MTF2: variants seen among roughly 807,000 people sequenced by gnomAD.
MTF2 encodes the protein metal response element binding transcription factor 2, also known as metal-response element-binding transcription factor 2.
In MTF2, 11 loss-of-function variants were observed where a neutral mutation model predicts 79.5. That is an observed-to-expected ratio of 0.14 (90% CI 0.09 to 0.23). The LOEUF (loss-of-function observed/expected upper bound fraction) is 0.23, where lower values mean the gene tolerates loss of function less well. MTF2 is among the 10% of genes least tolerant of loss of function. The probability of loss-of-function intolerance (pLI) is 1.00; values close to 1 mark genes in which losing one functional copy is unlikely to be tolerated. For missense variants in MTF2, 486 were observed against 711.2 expected (o/e 0.68, Z 3.60); for synonymous variants, 208 against 232.8 (o/e 0.89, Z 0.97).
At chr1:93,120,867 T>C in intron 9 of MTF2, 195 bp downstream of exon 9, 1 of 1,282,368 alleles carries the variant, frequency 7.8e-7, no homozygotes, top group Non-Finnish European at 9.8e-7. Flanking sequence ...TGTTGCCTGT[T>C]GACTCTGGAA....
rs1017986277 is a variant in MTF2, at chr1:93,137,984, T to G, written c.*957T>G. On this transcript the variant is annotated 3_prime_UTR_variant, in exon 15 of 15. Coordinates refer to ENST00000370298, the MANE Select transcript of MTF2 (RefSeq NM_007358.4). Reference sequence around the variant, plus strand: ...TCAAGTTTTCATGGCACATTATGATTGTAAATGTCTCTCATTTTTAACAGT... The same window carrying G: ...TCAAGTTTTCATGGCACATTATGATGGTAAATGTCTCTCATTTTTAACAGT... 1 of 152,234 alleles carries G rather than the reference T, an allele frequency of 6.6e-6. No individual in the cohort carries two copies. The highest frequency in any genetic ancestry group is 1.5e-5 in the Non-Finnish European group (1 of 68,038). 9.4% of individuals were successfully genotyped at this position (152,234 alleles called of 1,614,324 possible). A position where few individuals can be genotyped will look rare whatever the true frequency, so the allele number is the denominator to read the frequency against.
chr1:93,108,268 TTG>T (rs146951003), intron 1 of MTF2, among the ~76,000 whole-genome samples: 6 of 151,166 alleles, frequency 4.0e-5, no homozygotes, highest in Non-Finnish European at 4.4e-5. Flanking sequence ...TTGGTATTCT[TTG>T]TGTGTGTGTG....
Position 93,137,037 on chromosome 1 carries a change from TG to T in MTF2, c.*11del. On this transcript the variant is annotated 3_prime_UTR_variant, in exon 15 of 15. Coordinates refer to ENST00000370298, the MANE Select transcript of MTF2 (RefSeq NM_007358.4). ...AGCAACTGCATCCTGACTGTAGGAC[TG>T]AACATTATGTTCACTGCACTCTGAT... 1 of 1,605,632 alleles carries T rather than the reference TG, an allele frequency of 6.2e-7. No homozygotes were observed. The highest frequency in any genetic ancestry group is 8.5e-7 in the Non-Finnish European group (1 of 1,173,182).
intron 1 of MTF2, among the ~76,000 whole-genome samples, chr1:93,104,540 G>A (rs1459274324): frequency 3.3e-5 from 5 of 151,678 alleles, no homozygotes; most frequent in South Asian, 2.1e-4. Flanking sequence ...TTAGCTGGGC[G>A]TGGTGGCATG....
intron 11 of MTF2, among the ~76,000 whole-genome samples, chr1:93,129,714 T>A (rs1656842264): frequency 6.6e-6 from 1 of 152,118 alleles, no homozygotes; most frequent in African/African-American, 2.4e-5. Flanking sequence ...CTAGCCTGTT[T>A]GTTTGTTCAC....
chr1:93,091,213 G>A (rs368861674), intron 1 of MTF2, among the ~76,000 whole-genome samples: 57 of 152,072 alleles, frequency 3.7e-4, no homozygotes, highest in African/African-American at 1.1e-3. Context: ...TACTTAACCC[G>A]TCTGGTACAT....
chr1:93,134,152 A>G lies in MTF2; in HGVS notation c.1381A>G (p.Ser461Gly), dbSNP rs769458705. 3.7e-6 allele frequency: 6 copies of G among 1,613,514 alleles called. No homozygotes were observed. The Admixed American group carries it at 6.7e-5, about 18-fold the overall frequency. Reference sequence around the variant, plus strand: ...AGATGTGGATTTCACGGGTGCTTCCAGTGCAAAAGAAACTACCTCGTCTAG... The same window carrying G: ...AGATGTGGATTTCACGGGTGCTTCCGGTGCAAAAGAAACTACCTCGTCTAG... ...TSDVDFTGAS[S>G]AKETTSSSIS... The change falls in exon 14 of 15, where the codon AGT (serine) becomes GGT (glycine). Residue 461 changes from serine to glycine, a missense_variant. Around this residue, in one of 4 missense-constraint regions of MTF2, gnomAD observed 209 missense variants for 206.5 expected, o/e 1.01. Transcript: ENST00000370298.
Position 93,137,119 on chromosome 1 carries a change from A to G in MTF2, c.*92A>G, listed in dbSNP as rs1032001408. Reference sequence around the variant, plus strand: ...GAGTCTGGCTTTTACTATCTTTCTTAAAAAAAAAAAAAAGTCAAAAAAATT... The same window carrying G: ...GAGTCTGGCTTTTACTATCTTTCTTGAAAAAAAAAAAAAGTCAAAAAAATT... On this transcript the variant is annotated 3_prime_UTR_variant, in exon 15 of 15. Transcript: ENST00000370298. 1 of 312,512 alleles carries G rather than the reference A, an allele frequency of 3.2e-6. No homozygotes were observed. The highest frequency in any genetic ancestry group is 5.0e-6 in the Non-Finnish European group (1 of 201,664). 19.4% of individuals were successfully genotyped at this position (312,512 alleles called of 1,614,324 possible).
At chr1:93,109,909 C>T (rs1655962280) in intron 1 of MTF2, among the ~76,000 whole-genome samples, 1 of 152,152 alleles carries the variant, frequency 6.6e-6, no homozygotes, top group South Asian at 2.1e-4. Context: ...AGATTCAAGA[C>T]ATTATTTGCT....
chr1:93,121,122 G>C, intron 9 of MTF2: 8 of 983,466 alleles, frequency 8.1e-6, no homozygotes, highest in Non-Finnish European at 7.2e-6. Context: ...AATATTGTTA[G>C]AAAAATGAGT....
At chr1:93,101,314 C>T (rs1655518096) in intron 1 of MTF2, among the ~76,000 whole-genome samples, 1 of 151,360 alleles carries the variant, frequency 6.6e-6, no homozygotes, top group Non-Finnish European at 1.5e-5. Context: ...AGCCCTCTCT[C>T]CCAATCTTTT....
At chr1:93,090,845 A>G (rs1006538182) in intron 1 of MTF2, among the ~76,000 whole-genome samples, 2 of 151,530 alleles carry the variant, frequency 1.3e-5, no homozygotes, top group African/African-American at 4.9e-5. Context: ...TTGTATTTTT[A>G]GTAGAGATGG....
intron 6 of MTF2, among the ~76,000 whole-genome samples, chr1:93,118,061 T>C (rs1322265749): frequency 6.6e-6 from 1 of 152,098 alleles, no homozygotes; most frequent in African/African-American, 2.4e-5. Context: ...TTAACAGAGC[T>C]CATTTGACTA....
At chr1:93,130,118 G>GT in intron 11 of MTF2, among the ~76,000 whole-genome samples, 1 of 152,290 alleles carries the variant, frequency 6.6e-6, no homozygotes, top group East Asian at 1.9e-4. Flanking sequence ...CATATTCTAA[G>GT]AACTCACAGA....
chr1:93,100,575 G>A (rs1655490585), intron 1 of MTF2, among the ~76,000 whole-genome samples: 1 of 152,116 alleles, frequency 6.6e-6, no homozygotes, highest in Non-Finnish European at 1.5e-5. Context: ...CCAAAGTGCT[G>A]GGATTACAGC....
chr1:93,110,085 G>C, intron 1 of MTF2, 145 bp from the exon 2 acceptor site: 2 of 741,496 alleles, frequency 2.7e-6, no homozygotes, highest in Non-Finnish European at 2.2e-6. Context: ...TGTTTGGAGA[G>C]TATTTATGAT....
At chr1:93,125,964 ATATCTG>A (rs991649397) in intron 9 of MTF2, among the ~76,000 whole-genome samples, 62 of 152,164 alleles carry the variant, frequency 4.1e-4, no homozygotes, top group African/African-American at 1.4e-3. Flanking sequence ...GGTCGAATAA[ATATCTG>A]TACTGTAAAA....
intron 9 of MTF2, 108 bp downstream of exon 9, chr1:93,120,780 G>T: frequency 6.7e-7 from 1 of 1,501,288 alleles, no homozygotes; most frequent in Non-Finnish European, 8.8e-7. Flanking sequence ...AACTAAAATA[G>T]AATTTTATTT....
At chr1:93,121,554 T>C in intron 9 of MTF2, 1 of 982,940 alleles carries the variant, frequency 1.0e-6, no homozygotes, top group South Asian at 4.7e-5. Context: ...TCATATCAAA[T>C]AGGATATCAA....
Sources: gnomAD v4.1 joint callset for allele counts (sites outside exome capture counted in the v4.1 genomes callset) on GRCh38, gnomAD v4.1.1 for gene constraint, gnomAD v4.1.1 regional missense constraint, MANE v1.5 for transcripts, NCBI Gene and HGNC (gene_info 2026-07-23, HGNC 2026-07-21) for gene names.